The following FOXP1 variants were observed in gnomAD, a reference collection of about 807,000 sequenced individuals.
FOXP1 encodes the protein forkhead box P1.
In FOXP1, 15 loss-of-function variants were observed where a neutral mutation model predicts 98.2. That is an observed-to-expected ratio of 0.15 (90% CI 0.10 to 0.24). FOXP1 has a LOEUF of 0.24. Ranked by LOEUF, FOXP1 falls within the 10% of genes least tolerant of loss-of-function variation. The pLI, the probability that FOXP1 is intolerant of heterozygous loss-of-function variation, is 1.00. For missense variants in FOXP1, 633 were observed against 848.5 expected, an observed-to-expected ratio of 0.75 and a Z score of 3.15; for synonymous variants, 371 against 314.5, an observed-to-expected ratio of 1.18 and a Z score of -1.90.
At chr3:71,456,485 C>A (rs567368583) in intron 3 of FOXP1, among the ~76,000 whole-genome samples, 1 of 152,144 alleles carries the variant, frequency 6.6e-6, no homozygotes, top group South Asian at 2.1e-4. Context: ...GAATAAGAAC[C>A]GAAATTTGTT....
rs2044738191 is a variant in FOXP1, at chr3:71,017,821, TAC to T, written c.870-2170_870-2169del. On this transcript the variant is annotated intron_variant, in intron 11 of 20. Transcript: ENST00000649528. ...ATCACAACTGACTGCTACCAGAAGATACATTCAGAGAAATAGAATCACTCAAT... is the reference window on the plus strand; with the variant it reads ...ATCACAACTGACTGCTACCAGAAGATATTCAGAGAAATAGAATCACTCAAT... 2.0e-5 allele frequency among the ~76,000 whole-genome samples: 3 copies of T among 152,322 alleles called. No homozygotes were observed. The South Asian group carries it at 6.2e-4, about 32-fold the overall frequency.
At chr3:71,413,273 C>G (rs961053488) in intron 3 of FOXP1, among the ~76,000 whole-genome samples, 1 of 129,906 alleles carries the variant, frequency 7.7e-6, no homozygotes, top group Non-Finnish European at 1.6e-5. Context: ...CACACACACA[C>G]ACACACACAC....
rs1418794975 is a variant in FOXP1, at chr3:71,396,932, A to C, written c.-167-37688T>G. On this transcript the variant is annotated intron_variant, in intron 3 of 20. Transcript: ENST00000649528. ...TATATATGTGTGTATATATATATAT[A>C]TACACATATATATATGTGTATATAT... Among the ~76,000 whole-genome samples, 4 of 100,342 alleles carry C rather than the reference A, an allele frequency of 4.0e-5. No homozygotes were observed. The Admixed American group carries it at 4.2e-4, about 11-fold the overall frequency. 65.8% of individuals were successfully genotyped at this position (100,342 alleles called of 152,430 possible). A position where few individuals can be genotyped will look rare whatever the true frequency, so the allele number is the denominator to read the frequency against.
chr3:70,979,279 CAAAAAAAAAAAAAAAAAAAAAA>C (rs544916383), intron 14 of FOXP1, among the ~76,000 whole-genome samples: 4 of 42,552 alleles, frequency 9.4e-5, no homozygotes, highest in African/African-American at 2.6e-4. Context: ...GACTCTACCT[CAAAAAAAAAAAAAAAAAAAAAA>C]AAAAAAAAAA....
chr3:71,088,086 CA>C (rs1055811424), intron 7 of FOXP1, among the ~76,000 whole-genome samples: 4 of 152,202 alleles, frequency 2.6e-5, no homozygotes, highest in Non-Finnish European at 2.9e-5. Context: ...ATAAGCAGTG[CA>C]GTGGTGAGAA....
At chr3:71,577,644 C>CA (rs1381127109) in intron 2 of FOXP1, among the ~76,000 whole-genome samples, 2 of 151,964 alleles carry the variant, frequency 1.3e-5, no homozygotes, top group African/African-American at 4.8e-5. Context: ...ATATGTATAG[C>CA]AAAGTGGCCT....
At chr3:71,117,386 C>T (rs2058448675) in intron 6 of FOXP1, among the ~76,000 whole-genome samples, 1 of 152,202 alleles carries the variant, frequency 6.6e-6, no homozygotes, top group East Asian at 1.9e-4. Context: ...TGTGGCAGGC[C>T]AGATATTATT....
At chr3:71,416,752 C>T (rs1276494457) in intron 3 of FOXP1, among the ~76,000 whole-genome samples, 1 of 151,834 alleles carries the variant, frequency 6.6e-6, no homozygotes, top group Non-Finnish European at 1.5e-5. Context: ...TATGCAAAGA[C>T]CCCGTGGTAC....
At chr3:71,003,423 AT>A (rs1170334167) in intron 12 of FOXP1, among the ~76,000 whole-genome samples, 1,981 of 145,134 alleles carry the variant, frequency 0.014, 35 homozygotes, top group African/African-American at 0.041. Context: ...AAGACTCCTT[AT>A]TTTTTTTTTT....
chr3:71,034,043 G>T (rs944603142), intron 11 of FOXP1, among the ~76,000 whole-genome samples: 1 of 151,986 alleles, frequency 6.6e-6, no homozygotes, highest in African/African-American at 2.4e-5. Context: ...TCCTCTTTCC[G>T]GTCCCCTACA....
chr3:71,026,637 G>A (rs772560405), intron 11 of FOXP1, among the ~76,000 whole-genome samples: 1 of 152,174 alleles, frequency 6.6e-6, no homozygotes, highest in Admixed American at 6.5e-5. Context: ...TTTACCAATG[G>A]TAAGAACCTG....
At chr3:71,579,959 A>C (rs191026164) in intron 2 of FOXP1, among the ~76,000 whole-genome samples, 1 of 152,238 alleles carries the variant, frequency 6.6e-6, no homozygotes, top group African/African-American at 2.4e-5. Flanking sequence ...TTTCCTTCCA[A>C]GTGAGCCTTC....
At chr3:71,055,380 T>A (rs2050481311) in intron 7 of FOXP1, among the ~76,000 whole-genome samples, 1 of 152,186 alleles carries the variant, frequency 6.6e-6, no homozygotes, top group Non-Finnish European at 1.5e-5. Context: ...CTCTGGAAGG[T>A]CATCCATGAA....
At chr3:70,963,937 G>A (rs180907876) in intron 20 of FOXP1, among the ~76,000 whole-genome samples, 4 of 152,140 alleles carry the variant, frequency 2.6e-5, no homozygotes, top group African/African-American at 7.2e-5. Flanking sequence ...CCTTCAAGCC[G>A]TGCCGTAAAG....
intron 4 of FOXP1, among the ~76,000 whole-genome samples, chr3:71,354,649 T>G (rs898757947): frequency 6.6e-6 from 1 of 152,210 alleles, no homozygotes; most frequent in African/African-American, 2.4e-5. Flanking sequence ...GGAATCAAGG[T>G]TCTTTGCCAT....
At chr3:71,549,443 C>T (rs1331596830) in intron 2 of FOXP1, among the ~76,000 whole-genome samples, 2 of 152,160 alleles carry the variant, frequency 1.3e-5, no homozygotes, top group African/African-American at 2.4e-5. Context: ...GGCACAATCT[C>T]GGCTCACTGC....
intron 3 of FOXP1, among the ~76,000 whole-genome samples, chr3:71,456,044 T>A (rs971430854): frequency 6.6e-6 from 1 of 152,034 alleles, no homozygotes; most frequent in African/African-American, 2.4e-5. Context: ...TTCCAAAAAA[T>A]CACAGCCAAA....
At chr3:71,570,793 T>C (rs1433936536) in intron 2 of FOXP1, 1 of 152,160 alleles carries the variant, frequency 6.6e-6, no homozygotes, top group African/African-American at 2.4e-5. Context: ...ATCACAAGAT[T>C]TGACCCAATT....
At chr3:71,530,591 C>A (rs2043760484) in intron 2 of FOXP1, among the ~76,000 whole-genome samples, 1 of 152,158 alleles carries the variant, frequency 6.6e-6, no homozygotes, top group Admixed American at 6.5e-5. Context: ...ATTGTTCACT[C>A]CCTATCTGAA....
Sources: allele counts gnomAD v4.1 joint callset (sites outside exome capture counted in the v4.1 genomes callset), GRCh38; gene constraint gnomAD v4.1.1; transcripts MANE v1.5; gene names NCBI Gene and HGNC (gene_info 2026-07-23, HGNC 2026-07-21).